The following METAP1 variants were observed in gnomAD, a reference collection of about 807,000 sequenced individuals.
METAP1 encodes the protein methionine aminopeptidase 1.
A neutral mutation model predicts 53.8 loss-of-function variants in METAP1; 28 were observed. The observed-to-expected ratio is 0.52, with a 90% CI of 0.39 to 0.71. The LOEUF is 0.71. METAP1 is among the 30% of genes least tolerant of loss of function. The pLI is 0.00. For synonymous variants in METAP1, 181 were observed against 165.7 expected, an observed-to-expected ratio of 1.09 and a Z score of -0.71; for missense variants, 389 against 479.8, an observed-to-expected ratio of 0.81 and a Z score of 1.77.
chr4:99,048,749 G>A lies in METAP1; in HGVS notation c.804G>A (p.Arg268=). 6.2e-7 allele frequency: 1 copy of A among 1,613,890 alleles called. No homozygotes were observed. Among genetic ancestry groups the A allele is most frequent in the Non-Finnish European group, 8.5e-7 (1 of 1,179,846 alleles). Residue 268 remains arginine, a synonymous_variant, in exon 9 of 11, where the codon CGG becomes CGA. Transcript: ENST00000296411. ...TCCTTTCAGTGAAGCCTGGTGTTCG[G>A]TACAGAGAATTGGGAAACATTATCC... The part of the protein sequence containing the change: ...QAIDAVKPGV[R]YRELGNIIQK...
intron 1 of METAP1, among the ~76,000 whole-genome samples, chr4:99,016,044 G>T (rs2110294873): frequency 6.6e-6 from 1 of 152,240 alleles, no homozygotes; most frequent in Admixed American, 6.5e-5. Context: ...TCCCAGGCTG[G>T]CTCGAGCCTT....
chr4:99,023,105 G>A (rs963985357), intron 1 of METAP1: 25 of 1,088,988 alleles, frequency 2.3e-5, no homozygotes, highest in Non-Finnish European at 3.1e-5. Flanking sequence ...GCTCTGTTGC[G>A]GCCTTCTCCG....
intron 1 of METAP1, among the ~76,000 whole-genome samples, chr4:99,015,619 C>T (rs560151985): frequency 1.9e-4 from 29 of 152,240 alleles, no homozygotes; most frequent in African/African-American, 5.8e-4. Flanking sequence ...GGCTGCCATT[C>T]GGTGGGAATG....
At chr4:99,040,049 A>G (rs1343542018) in intron 5 of METAP1, among the ~76,000 whole-genome samples, 1 of 152,190 alleles carries the variant, frequency 6.6e-6, no homozygotes, top group African/African-American at 2.4e-5. Flanking sequence ...TCATTAAACT[A>G]TTGTTAGTAT....
intron 9 of METAP1, among the ~76,000 whole-genome samples, chr4:99,051,148 A>G (rs1046982935): frequency 6.6e-6 from 1 of 152,144 alleles, no homozygotes; most frequent in African/African-American, 2.4e-5. Context: ...GGGAATGAAA[A>G]CAGTCCCCTT....
chr4:99,022,504 C>A, intron 1 of METAP1: 1 of 632,072 alleles, frequency 1.6e-6, no homozygotes. Context: ...GGCAAATGTC[C>A]AGGAGCCATC....
intron 10 of METAP1, among the ~76,000 whole-genome samples, chr4:99,060,696 C>T (rs929751624): frequency 6.6e-6 from 1 of 152,140 alleles, no homozygotes; most frequent in African/African-American, 2.4e-5. Context: ...GCTTATTTCA[C>T]TTAGCATTAT....
intron 3 of METAP1, among the ~76,000 whole-genome samples, chr4:99,034,621 G>A (rs1725296404): frequency 6.6e-6 from 1 of 152,080 alleles, no homozygotes; most frequent in African/African-American, 2.4e-5. Flanking sequence ...ATGGTAGTGT[G>A]TACAGTCGTC....
chr4:99,048,346 C>G (rs1293619409), intron 8 of METAP1, among the ~76,000 whole-genome samples: 2 of 152,034 alleles, frequency 1.3e-5, no homozygotes, highest in Non-Finnish European at 2.9e-5. Flanking sequence ...TCAAAAACTT[C>G]CTAGCACAAA....
At chr4:99,016,080 C>T (rs922857713) in intron 1 of METAP1, among the ~76,000 whole-genome samples, 7 of 152,206 alleles carry the variant, frequency 4.6e-5, no homozygotes, top group Admixed American at 6.5e-5. Context: ...TTTATGAAGA[C>T]GTGGTCTCCA....
chr4:99,060,600 T>TG (rs1160474858), intron 10 of METAP1, among the ~76,000 whole-genome samples: 1 of 152,118 alleles, frequency 6.6e-6, no homozygotes, highest in Non-Finnish European at 1.5e-5. Flanking sequence ...CCTGACCTTG[T>TG]GATCTGCCCG....
chr4:99,030,192 T>A (rs979687997), intron 2 of METAP1, among the ~76,000 whole-genome samples: 13 of 152,152 alleles, frequency 8.5e-5, no homozygotes, highest in African/African-American at 3.1e-4. Flanking sequence ...GGTTAAACAA[T>A]ATGTTAGTAA....
At chr4:99,023,726 C>T (rs1192439261) in intron 1 of METAP1, 1 of 985,384 alleles carries the variant, frequency 1.0e-6, no homozygotes, top group Non-Finnish European at 1.2e-6. Flanking sequence ...TGTAGTTTGG[C>T]AAGTCAGTGG....
intron 2 of METAP1, among the ~76,000 whole-genome samples, chr4:99,030,512 A>G (rs531370125): frequency 1.3e-5 from 2 of 152,286 alleles, no homozygotes; most frequent in African/African-American, 2.4e-5. Flanking sequence ...TGTGATGGAT[A>G]GAGATCATCC....
At chr4:99,005,831 T>C (rs184589807) in intron 1 of METAP1, 2 of 420,896 alleles carry the variant, frequency 4.8e-6, no homozygotes, top group Non-Finnish European at 9.4e-6. Context: ...GAAAACCAAG[T>C]ACCAGGTCGT....
chr4:99,022,329 G>A (rs1285607978), intron 1 of METAP1: 5 of 843,984 alleles, frequency 5.9e-6, no homozygotes, highest in Non-Finnish European at 8.4e-6. Context: ...CCCTGACCAG[G>A]GAAGATCCCT....
chr4:99,012,803 G>T (rs942000109), intron 1 of METAP1, among the ~76,000 whole-genome samples: 1 of 151,990 alleles, frequency 6.6e-6, no homozygotes, highest in Non-Finnish European at 1.5e-5. Context: ...TACATTTTAG[G>T]GGGACAGAAG....
At chr4:99,030,867 TTGAC>T (rs903292765) in intron 2 of METAP1, among the ~76,000 whole-genome samples, 1 of 152,014 alleles carries the variant, frequency 6.6e-6, no homozygotes, top group Non-Finnish European at 1.5e-5. Flanking sequence ...TTTAATATAT[TTGAC>T]TGGTTTTGGT....
At chr4:99,024,811 A>G (rs1724437193) in intron 1 of METAP1, among the ~76,000 whole-genome samples, 1 of 152,138 alleles carries the variant, frequency 6.6e-6, no homozygotes, top group African/African-American at 2.4e-5. Context: ...AAGAGCTGTT[A>G]TTGTCTTTGT....
Sources: gnomAD v4.1 joint callset for allele counts (sites outside exome capture counted in the v4.1 genomes callset) on GRCh38, gnomAD v4.1.1 for gene constraint, MANE v1.5 for transcripts, NCBI Gene and HGNC (gene_info 2026-07-23, HGNC 2026-07-21) for gene names.